KDM4C: variants seen among roughly 807,000 people sequenced by gnomAD.
KDM4C encodes lysine-specific demethylase 4C.
Under a neutral mutation model 129.3 loss-of-function variants are expected in KDM4C, and 81 were observed. The ratio of observed to expected loss-of-function variants is 0.63; its 90% CI spans 0.52 to 0.75. The LOEUF (loss-of-function observed/expected upper bound fraction) is 0.75, where lower values mean the gene tolerates loss of function less well. Ranked by LOEUF, KDM4C falls within the 30% of genes least tolerant of loss-of-function variation. The pLI is 0.00. For synonymous variants in KDM4C, 573 were observed against 456.1 expected (o/e 1.26, Z -3.26); for missense variants, 1,457 against 1,304.0 (o/e 1.12, Z -1.81).
chr9:6,792,677 G>A (rs552859471), intron 1 of KDM4C, among the ~76,000 whole-genome samples: 4 of 152,210 alleles, frequency 2.6e-5, no homozygotes, highest in East Asian at 1.9e-4. Flanking sequence ...GTGAGCCACC[G>A]CACCCGGCCT....
intron 8 of KDM4C, chr9:6,925,014 T>C: frequency 1.0e-6 from 1 of 985,292 alleles, no homozygotes; most frequent in East Asian, 1.1e-4. Flanking sequence ...GGCTTCCTAC[T>C]TCTGAAGTTC....
At chr9:7,085,433 G>A (rs1176332789) in intron 17 of KDM4C, among the ~76,000 whole-genome samples, 1 of 152,202 alleles carries the variant, frequency 6.6e-6, no homozygotes, top group Non-Finnish European at 1.5e-5. Flanking sequence ...AGAGAACTAT[G>A]AGGAACAACA....
chr9:6,938,836 T>C (rs1825298070), intron 8 of KDM4C, among the ~76,000 whole-genome samples: 2 of 147,128 alleles, frequency 1.4e-5, no homozygotes, highest in Admixed American at 6.7e-5. Flanking sequence ...AAATATTTAT[T>C]TTTCAGATAC....
chr9:6,825,333 G>A (rs924537436), intron 4 of KDM4C, among the ~76,000 whole-genome samples: 3 of 152,138 alleles, frequency 2.0e-5, no homozygotes, highest in Non-Finnish European at 4.4e-5. Context: ...CCTCTGACAA[G>A]GTCTGCGTGT....
intron 17 of KDM4C, among the ~76,000 whole-genome samples, chr9:7,052,894 A>AGAGAGAGAGAGAGAGC (rs1339242817): frequency 0.043 from 4,556 of 104,766 alleles, 516 homozygotes; most frequent in Non-Finnish European, 0.058. Context: ...AGAGAGAGAG[A>AGAGAGAGAGAGAGAGC]GAGAGAGCGA....
At position 6,796,997 on chromosome 9, in the gene KDM4C, T is replaced by C. The variant is rs376656222; in HGVS notation, c.144+3865T>C. On this transcript the variant is annotated intron_variant, in intron 2 of 21. Transcript: ENST00000381309. The stretch of plus-strand genomic sequence containing the variant: ...TGTTCTTTGTTAATGCACTATTTTT[T>C]TTTTTTTTTGAGACAGGGTCTTGCC... Among the ~76,000 whole-genome samples the C allele has an allele frequency of 5.0e-3, 764 of 151,904 alleles. 5 individuals are homozygous for C. Among genetic ancestry groups the C allele is most frequent in the African/African-American group, 0.018 (740 of 41,412 alleles).
intron 8 of KDM4C, among the ~76,000 whole-genome samples, chr9:6,964,089 TTTTA>T (rs948670661): frequency 6.6e-6 from 1 of 152,254 alleles, no homozygotes; most frequent in Non-Finnish European, 1.5e-5. Context: ...TGTCATTTTA[TTTTA>T]TTTATTTCAG....
chr9:7,047,011 C>T (rs1829503344), intron 16 of KDM4C, 94 bp downstream of exon 16: 7 of 890,508 alleles, frequency 7.9e-6, no homozygotes, highest in Admixed American at 1.9e-5. Flanking sequence ...TCATTGTACA[C>T]GTGGTTTCAA....
intron 8 of KDM4C, among the ~76,000 whole-genome samples, chr9:6,940,087 C>A (rs1257995050): frequency 6.7e-6 from 1 of 149,174 alleles, no homozygotes; most frequent in Non-Finnish European, 1.5e-5. Context: ...CTCTTTCTTT[C>A]CTTCTTTTCT....
intron 18 of KDM4C, among the ~76,000 whole-genome samples, chr9:7,113,842 G>T (rs1434343489): frequency 1.3e-5 from 2 of 152,178 alleles, no homozygotes; most frequent in Non-Finnish European, 2.9e-5. Context: ...GTGCTGGAGA[G>T]CATCAGGAGT....
At chr9:6,798,853 C>A (rs1401632224) in intron 2 of KDM4C, among the ~76,000 whole-genome samples, 3 of 150,860 alleles carry the variant, frequency 2.0e-5, no homozygotes, top group Non-Finnish European at 4.4e-5. Context: ...GACGGGGCGG[C>A]TGCCGGGCGG....
intron 8 of KDM4C, among the ~76,000 whole-genome samples, chr9:6,942,986 C>T (rs1180851823): frequency 6.6e-6 from 1 of 152,140 alleles, no homozygotes; most frequent in Non-Finnish European, 1.5e-5. Context: ...CCACCTTAGC[C>T]TCCTGAGTAG....
At chr9:7,023,065 A>T (rs1287295060) in intron 15 of KDM4C, among the ~76,000 whole-genome samples, 2 of 152,098 alleles carry the variant, frequency 1.3e-5, no homozygotes, top group East Asian at 1.9e-4. Context: ...TTTGTTGAAG[A>T]TTTCTGCATC....
intron 17 of KDM4C, among the ~76,000 whole-genome samples, chr9:7,073,051 G>C (rs1833422771): frequency 6.6e-6 from 1 of 152,078 alleles, no homozygotes; most frequent in Non-Finnish European, 1.5e-5. Flanking sequence ...AAGGGGAAGT[G>C]TTTTGGGAGA....
chr9:6,785,956 A>C (rs1026072586), intron 1 of KDM4C, among the ~76,000 whole-genome samples: 1 of 152,206 alleles, frequency 6.6e-6, no homozygotes, highest in Non-Finnish European at 1.5e-5. Flanking sequence ...CTAGCCAGAG[A>C]CATAGTCTGC....
At chr9:6,822,708 TC>T (rs1217274264) in intron 4 of KDM4C, among the ~76,000 whole-genome samples, 1 of 152,214 alleles carries the variant, frequency 6.6e-6, no homozygotes, top group Non-Finnish European at 1.5e-5. Flanking sequence ...CACAGGAGTT[TC>T]TTCGGGAAAC....
intron 4 of KDM4C, among the ~76,000 whole-genome samples, chr9:6,849,265 A>G (rs911172815): frequency 6.6e-6 from 1 of 152,240 alleles, no homozygotes; most frequent in African/African-American, 2.4e-5. Flanking sequence ...TCAGGAAGCT[A>G]TTTGGTATAA....
chr9:6,907,819 A>G (rs1220751698), intron 8 of KDM4C, among the ~76,000 whole-genome samples: 1 of 152,214 alleles, frequency 6.6e-6, no homozygotes, highest in Non-Finnish European at 1.5e-5. Context: ...GAAATTTTGT[A>G]TTGGCTTTGG....
chr9:6,797,482 C>G (rs1317516519), intron 2 of KDM4C, among the ~76,000 whole-genome samples: 1 of 152,132 alleles, frequency 6.6e-6, no homozygotes, highest in African/African-American at 2.4e-5. Flanking sequence ...CTTTGACTGT[C>G]TACAAAGTTG....
Sources: gnomAD v4.1 joint callset for allele counts (sites outside exome capture counted in the v4.1 genomes callset) on GRCh38, gnomAD v4.1.1 for gene constraint, MANE v1.5 for transcripts, NCBI Gene and HGNC (gene_info 2026-07-23, HGNC 2026-07-21) for gene names.